The following IFT140 variants were observed in gnomAD, a reference collection of about 807,000 sequenced individuals.
IFT140 encodes the protein intraflagellar transport protein 140 homolog.
Under a neutral mutation model 164.6 loss-of-function variants are expected in IFT140, and 133 were observed. That is an observed-to-expected ratio of 0.81 (90% confidence interval 0.70 to 0.93). The LOEUF (loss-of-function observed/expected upper bound fraction) is 0.93. Among genes scored for constraint, IFT140 ranks in the 40% least tolerant of loss-of-function variants. IFT140 has a pLI of 0.00. For synonymous variants in IFT140, 860 were observed against 817.3 expected, an observed-to-expected ratio of 1.05 and a Z score of -0.89; for missense variants, 2,045 against 1,972.3, an observed-to-expected ratio of 1.04 and a Z score of -0.70.
Position 1,607,291 on chromosome 16 carries a change from C to G in IFT140, c.-25G>C. On this transcript the variant is annotated 5_prime_UTR_variant, in exon 3 of 31. Coordinates refer to ENST00000426508, the MANE Select transcript of IFT140 (RefSeq NM_014714.4). ...TGACGGAACTCAGGCCTCCTCAGCGCTGAAACCTGCAGGGAAAAAAAAATG... is the reference window on the plus strand; with the variant it reads ...TGACGGAACTCAGGCCTCCTCAGCGGTGAAACCTGCAGGGAAAAAAAAATG... 1 of 1,596,042 alleles carries G rather than the reference C, an allele frequency of 6.3e-7. No individual in the cohort carries two copies. The highest frequency in any genetic ancestry group is 1.4e-5 in the African/African-American group (1 of 73,838).
rs773737977 is a variant in IFT140 at position 1,566,123 on chromosome 16, AT to A, written c.1901+37del. The A allele has an allele frequency of 5.6e-6, 9 of 1,603,382 alleles. No individual in the cohort carries two copies. The African/African-American group carries it at 9.4e-5, about 17-fold the overall frequency. ...AGAAGCCGAGAAGTAACTGAACATC[AT>A]TTTTTCCAACAAAATCCTCCTGAAC... On this transcript the variant is annotated intron_variant, in intron 16 of 30. Coordinates refer to ENST00000426508, the MANE Select transcript of IFT140 (RefSeq NM_014714.4).
At chr16:1,511,245 G>C in intron 30 of IFT140, 95 bp from the exon 31 acceptor site, 1 of 1,192,932 alleles carries the variant, frequency 8.4e-7, no homozygotes, top group Non-Finnish European at 1.2e-6. Context: ...CCCTGGAGGC[G>C]GGTGGGGGTG....
rs776702923 is a variant in IFT140 at position 1,607,289 on chromosome 16, C to A, written c.-23G>T. 6.3e-7 allele frequency: 1 copy of A among 1,595,626 alleles called. No individual in the cohort carries two copies. Among genetic ancestry groups the A allele is most frequent in the Non-Finnish European group, 8.5e-7 (1 of 1,172,586 alleles). On this transcript the variant is annotated 5_prime_UTR_variant, in exon 3 of 31. Coordinates refer to ENST00000426508, the MANE Select transcript of IFT140 (RefSeq NM_014714.4). ...CATGACGGAACTCAGGCCTCCTCAG[C>A]GCTGAAACCTGCAGGGAAAAAAAAA...
At position 1,533,096 on chromosome 16, in the gene IFT140, C is replaced by T. The variant is rs982860540; in HGVS notation, c.2400-6300G>A. 1 of 149,884 alleles carries T rather than the reference C, an allele frequency of 6.7e-6. No homozygotes were observed. The highest frequency in any genetic ancestry group is 6.6e-5 in the Admixed American group (1 of 15,124). 9.3% of individuals were successfully genotyped at this position (149,884 alleles called of 1,614,324 possible). On this transcript the variant is annotated intron_variant, in intron 19 of 30. Transcript: ENST00000426508. This position sits in a 1 kb window ranked among gnomAD's most constrained non-coding sequence, Gnocchi z 4.7. ...GCCCCGAGGTCCTCCAAGTACAGGT[C>T]CCTGGCCCCAAGGCCCTCCAAGTAC...
rs1596302305 is a variant in IFT140, at chr16:1,523,598, G to T, written c.3373C>A (p.Leu1125Ile). The T allele has an allele frequency of 6.8e-6, 11 of 1,613,934 alleles. No homozygotes were observed. Among genetic ancestry groups the T allele is most frequent in the Non-Finnish European group, 9.3e-6 (11 of 1,180,016 alleles). The stretch of plus-strand genomic sequence containing the variant: ...AAGAAGTCGGAGCAGCGGGCCAGGA[G>T]CGCAGGGTCTGACGTCTCATCCAGG... ...EDLDETSDPALLARCSDFFIE... is the reference protein window; with the variant it reads ...EDLDETSDPAILARCSDFFIE... Residue 1125 changes from leucine to isoleucine, a missense_variant, in exon 26 of 31, where the codon CTC (leucine) becomes ATC (isoleucine). Leu to Ile is a conservative substitution (Grantham distance 5). Coordinates refer to ENST00000426508, the MANE Select transcript of IFT140 (RefSeq NM_014714.4).
chr16:1,534,423 T>C (rs1411803209), intron 19 of IFT140: 3 of 1,612,402 alleles, frequency 1.9e-6, no homozygotes, highest in Non-Finnish European at 2.5e-6. Context: ...GAGGTCCTGC[T>C]GGCTGGTGGA....
chr16:1,569,293 C>G (rs2033896739), intron 14 of IFT140, among the ~76,000 whole-genome samples: 1 of 152,186 alleles, frequency 6.6e-6, no homozygotes, highest in Non-Finnish European at 1.5e-5. Context: ...CAGGCGTGAG[C>G]CACCGCGCTC....
At chr16:1,579,903 G>A (rs1362465467) in intron 13 of IFT140, among the ~76,000 whole-genome samples, 1 of 150,936 alleles carries the variant, frequency 6.6e-6, no homozygotes, top group African/African-American at 2.4e-5. Flanking sequence ...GGCGGAGATT[G>A]CAGCGAGCTG....
At position 1,523,626 on chromosome 16, in the gene IFT140, C is replaced by T. The variant is rs1353665553; in HGVS notation, c.3345G>A (p.Glu1115=). 1 of 1,614,010 alleles carries T rather than the reference C, an allele frequency of 6.2e-7. No individual in the cohort carries two copies. Among genetic ancestry groups the T allele is most frequent in the Non-Finnish European group, 8.5e-7 (1 of 1,180,016 alleles). Reference sequence around the variant, plus strand: ...CAGGGTCTGACGTCTCATCCAGGTCCTCTGCTATGAGCTGTAGGGCCACAA... The same window carrying T: ...CAGGGTCTGACGTCTCATCCAGGTCTTCTGCTATGAGCTGTAGGGCCACAA... The part of the protein sequence containing the change: ...QQFVALQLIA[E]DLDETSDPAL... The change falls in exon 26 of 31, where the codon GAG becomes GAA. Residue 1115 remains glutamate, a synonymous_variant. Coordinates refer to ENST00000426508, the MANE Select transcript of IFT140 (RefSeq NM_014714.4).
chr16:1,594,574 C>T (rs962572211), intron 4 of IFT140, among the ~76,000 whole-genome samples: 6 of 152,158 alleles, frequency 3.9e-5, no homozygotes, highest in Non-Finnish European at 5.9e-5. Context: ...CGAGGAGCCA[C>T]GGTTGTTTCC....
intron 6 of IFT140, 32 bp from the exon 7 acceptor site, chr16:1,589,812 A>C (rs764345441): frequency 5.1e-6 from 8 of 1,582,422 alleles, no homozygotes; most frequent in Non-Finnish European, 6.9e-6. Context: ...CTACATGAGG[A>C]GGCCCTGGTT....
intron 19 of IFT140, among the ~76,000 whole-genome samples, chr16:1,542,726 C>T (rs922286213): frequency 1.4e-4 from 22 of 152,382 alleles, no homozygotes; most frequent in East Asian, 1.9e-4. Flanking sequence ...GTGCCTGGCT[C>T]GGACACTGAT....
chr16:1,529,709 C>G (rs2030233748), intron 19 of IFT140, among the ~76,000 whole-genome samples: 1 of 152,224 alleles, frequency 6.6e-6, no homozygotes, highest in South Asian at 2.1e-4. Context: ...TGTCTTTCTC[C>G]TTTATGCTGA....
chr16:1,532,754 C>G (rs1011583582), intron 19 of IFT140: 1 of 152,224 alleles, frequency 6.6e-6, no homozygotes, highest in Non-Finnish European at 1.5e-5. Flanking sequence ...GGAGATGGGA[C>G]AGAGTAGGAG....
chr16:1,597,316 G>A (rs1187521765), intron 4 of IFT140, among the ~76,000 whole-genome samples: 1 of 152,200 alleles, frequency 6.6e-6, no homozygotes, highest in Non-Finnish European at 1.5e-5. Context: ...CCGCCTCCCT[G>A]GTTACTGCTG....
intron 10 of IFT140, 115 bp from the exon 11 acceptor site, chr16:1,584,535 T>A (rs2034764911): frequency 3.9e-6 from 3 of 770,378 alleles, no homozygotes; most frequent in Middle Eastern, 2.6e-4. Context: ...CAAGTACCAT[T>A]GTTCCGGACT....
At chr16:1,524,454 C>A in intron 24 of IFT140, 98 bp downstream of exon 24, 2 of 1,488,092 alleles carry the variant, frequency 1.3e-6, no homozygotes, top group South Asian at 1.3e-5. Flanking sequence ...GGCCGGACCA[C>A]GTGTCACTGA....
chr16:1,608,446 T>C (rs1027701094), intron 2 of IFT140, among the ~76,000 whole-genome samples: 2 of 151,286 alleles, frequency 1.3e-5, no homozygotes, highest in African/African-American at 2.4e-5. Context: ...CTGGGCAAAA[T>C]GGCGAACGCC....
At chr16:1,513,889 G>T (rs947397960) in intron 30 of IFT140, among the ~76,000 whole-genome samples, 2 of 142,806 alleles carry the variant, frequency 1.4e-5, no homozygotes, top group African/African-American at 2.7e-5. Flanking sequence ...TAGCCAAGAT[G>T]GTCTCCATCT....
Sources: gnomAD v4.1 joint callset for allele counts (sites outside exome capture counted in the v4.1 genomes callset) on GRCh38, gnomAD v4.1.1 for gene constraint, Gnocchi (gnomAD v3.1) non-coding constraint, MANE v1.5 for transcripts, NCBI Gene and HGNC (gene_info 2026-07-23, HGNC 2026-07-21) for gene names.